The following METAP1D variants were observed in gnomAD, a reference collection of about 807,000 sequenced individuals.
The protein encoded by METAP1D is methionine aminopeptidase 1D, mitochondrial.
Under a neutral mutation model 40.5 loss-of-function variants are expected in METAP1D, and 31 were observed. The ratio of observed to expected loss-of-function variants is 0.77; its 90% CI spans 0.58 to 1.03. The LOEUF (loss-of-function observed/expected upper bound fraction) is 1.03. Ranked by LOEUF, METAP1D falls within the 50% of genes least tolerant of loss-of-function variation. The pLI, the probability that METAP1D is intolerant of heterozygous loss-of-function variation, is 0.00. For synonymous variants in METAP1D, 151 were observed against 146.4 expected (o/e 1.03, Z -0.22); for missense variants, 411 against 420.7 (o/e 0.98, Z 0.20).
chr2:172,071,137 A>G (rs1690414441), intron 6 of METAP1D, 67 bp downstream of exon 6: 30 of 1,349,028 alleles, frequency 2.2e-5, no homozygotes, highest in Non-Finnish European at 2.5e-5. Flanking sequence ...GTGGCTTGGT[A>G]TAAAGTTGAT....
chr2:172,033,596 T>C (rs1689292070), intron 1 of METAP1D, among the ~76,000 whole-genome samples: 1 of 152,084 alleles, frequency 6.6e-6, no homozygotes, highest in Admixed American at 6.6e-5. Flanking sequence ...CCTCAAGTGA[T>C]GTGCCTGTCT....
rs1179980584 is a variant in METAP1D at position 172,077,788 on chromosome 2, C to T, written c.705-9C>T. ...AATTTAATTAAATATTTTTTGGTCA[C>T]TTTTAAAGCCACATAACTCATCAGA... is the stretch of plus-strand genomic sequence containing the variant. On this transcript the variant is annotated splice_polypyrimidine_tract_variant and intron_variant, in intron 6 of 9. Coordinates refer to ENST00000315796, the MANE Select transcript of METAP1D (RefSeq NM_199227.3). 2 of 1,527,832 alleles carry T rather than the reference C, an allele frequency of 1.3e-6. No individual in the cohort carries two copies. Among genetic ancestry groups the T allele is most frequent in the Admixed American group, 1.8e-5 (1 of 54,068 alleles). 94.6% of individuals were successfully genotyped at this position (1,527,832 alleles called of 1,614,324 possible).
chr2:172,061,319 T>C (rs1690136132), intron 1 of METAP1D, among the ~76,000 whole-genome samples, 179 bp from the exon 2 acceptor site: 3 of 152,240 alleles, frequency 2.0e-5, no homozygotes, highest in African/African-American at 7.2e-5. Flanking sequence ...ATAAATACGC[T>C]GTGTTACTAT....
rs542889109 is a variant in METAP1D at position 172,077,557 on chromosome 2, A to G, written c.705-240A>G. ...ATGCTGTACAAAGGTAAATGACTCAAACGACTGTGTTGGATAGATATGTAC... is the reference window on the plus strand; with the variant it reads ...ATGCTGTACAAAGGTAAATGACTCAGACGACTGTGTTGGATAGATATGTAC... On this transcript the variant is annotated intron_variant, in intron 6 of 9. Coordinates refer to ENST00000315796, the MANE Select transcript of METAP1D (RefSeq NM_199227.3). Among the ~76,000 whole-genome samples the G allele has an allele frequency of 2.6e-5, 4 of 152,284 alleles. No individual in the cohort carries two copies. In the South Asian group the frequency reaches 8.3e-4, roughly 32 times the overall value.
intron 1 of METAP1D, among the ~76,000 whole-genome samples, chr2:172,057,152 G>A (rs1690021491): frequency 6.6e-6 from 1 of 152,160 alleles, no homozygotes. Context: ...AGACTTGTGA[G>A]CCTTAGTTCC....
chr2:172,059,317 G>A (rs893593196), intron 1 of METAP1D, among the ~76,000 whole-genome samples: 12 of 151,708 alleles, frequency 7.9e-5, no homozygotes, highest in Admixed American at 5.3e-4. Flanking sequence ...GATTACAGGC[G>A]TGACCCACCG....
At chr2:172,047,382 G>GT (rs1689784741) in intron 1 of METAP1D, among the ~76,000 whole-genome samples, 1 of 152,126 alleles carries the variant, frequency 6.6e-6, no homozygotes, top group African/African-American at 2.4e-5. Flanking sequence ...TAAAGTTTAT[G>GT]GCTAAGCACA....
intron 1 of METAP1D, among the ~76,000 whole-genome samples, chr2:172,050,379 A>C (rs1299951917): frequency 1.3e-5 from 2 of 152,166 alleles, no homozygotes; most frequent in Non-Finnish European, 2.9e-5. Context: ...AGTAGTATTT[A>C]TGAATAGTCT....
rs1284593149 is a variant in METAP1D at position 172,081,042 on chromosome 2, G to C, written c.*636G>C. 1 of 153,906 alleles carries C rather than the reference G, an allele frequency of 6.5e-6. No homozygotes were observed. 9.5% of individuals were successfully genotyped at this position (153,906 alleles called of 1,614,324 possible). On this transcript the variant is annotated 3_prime_UTR_variant, in exon 10 of 10. Transcript: ENST00000315796. Reference sequence around the variant, plus strand: ...AACATGTCCTTGGCAGTGGACTCTGGGCCTGGCCATTCTTCAGGTTTCTGT... The same window carrying C: ...AACATGTCCTTGGCAGTGGACTCTGCGCCTGGCCATTCTTCAGGTTTCTGT...
chr2:172,029,949 T>A (rs1275192027), intron 1 of METAP1D, among the ~76,000 whole-genome samples: 1 of 151,902 alleles, frequency 6.6e-6, no homozygotes, highest in Non-Finnish European at 1.5e-5. Context: ...AGAGATGGGG[T>A]TTCACTATGT....
At chr2:172,078,140 A>C (rs1690594188) in intron 7 of METAP1D, among the ~76,000 whole-genome samples, 1 of 152,054 alleles carries the variant, frequency 6.6e-6, no homozygotes, top group Admixed American at 6.6e-5. Flanking sequence ...CTTCTCCTGA[A>C]GGGTGCATGG....
rs778186790 is a variant in METAP1D, at chr2:172,066,230, T to C, written c.498-34T>C. ...TTTATTTTCCTTTTATTGAGATCTG[T>C]CTATCACCATTTTTTTTTCTGTTTA... On this transcript the variant is annotated intron_variant, in intron 4 of 9. Transcript: ENST00000315796. The C allele has an allele frequency of 7.6e-6, 12 of 1,579,400 alleles. No homozygotes were observed. The Admixed American group carries it at 1.5e-4, about 20-fold the overall frequency.
intron 6 of METAP1D, 119 bp downstream of exon 6, chr2:172,071,189 C>A: frequency 4.8e-6 from 4 of 828,282 alleles, no homozygotes; most frequent in South Asian, 4.5e-5. Flanking sequence ...AGTCTGATAT[C>A]AGTATGTGAA....
chr2:172,062,559 T>G (rs560708648), intron 2 of METAP1D, among the ~76,000 whole-genome samples: 1 of 152,232 alleles, frequency 6.6e-6, no homozygotes, highest in Non-Finnish European at 1.5e-5. Flanking sequence ...ACAGCCCTTC[T>G]GCCTGCAAGT....
At chr2:172,072,735 T>C (rs1335085731) in intron 6 of METAP1D, among the ~76,000 whole-genome samples, 2 of 152,188 alleles carry the variant, frequency 1.3e-5, no homozygotes, top group Non-Finnish European at 2.9e-5. Flanking sequence ...CCTTTGTGGC[T>C]CTCATTCTTT....
At chr2:172,024,418 C>T (rs1689076872) in intron 1 of METAP1D, among the ~76,000 whole-genome samples, 1 of 152,012 alleles carries the variant, frequency 6.6e-6, no homozygotes, top group South Asian at 2.1e-4. Context: ...AGACCATTAC[C>T]AAGCATGGAG....
chr2:172,055,430 T>C (rs1170874449), intron 1 of METAP1D, among the ~76,000 whole-genome samples: 2 of 152,224 alleles, frequency 1.3e-5, no homozygotes, highest in African/African-American at 2.4e-5. Flanking sequence ...ACCCTGAATA[T>C]AATAGAGACT....
At chr2:172,045,741 G>GTATATA (rs1559010120) in intron 1 of METAP1D, among the ~76,000 whole-genome samples, 2 of 70,620 alleles carry the variant, frequency 2.8e-5, no homozygotes, top group Non-Finnish European at 5.5e-5. Flanking sequence ...GTATATATAT[G>GTATATA]TGTATATATG....
intron 1 of METAP1D, among the ~76,000 whole-genome samples, chr2:172,007,195 G>A (rs1331938947): frequency 6.8e-6 from 1 of 146,540 alleles, no homozygotes; most frequent in Non-Finnish European, 1.5e-5. Context: ...TTAAGAGAAG[G>A]GCCTTGTTCT....
Sources: allele counts gnomAD v4.1 joint callset (sites outside exome capture counted in the v4.1 genomes callset), GRCh38; gene constraint gnomAD v4.1.1; transcripts MANE v1.5; gene names NCBI Gene and HGNC (gene_info 2026-07-23, HGNC 2026-07-21).